ASTN2: variants seen among roughly 807,000 people sequenced by gnomAD.
ASTN2 encodes the protein astrotactin 2.
A neutral mutation model predicts 139.8 loss-of-function variants in ASTN2; 54 were observed. The observed-to-expected ratio is 0.39, with a 90% CI of 0.31 to 0.48. The LOEUF (loss-of-function observed/expected upper bound fraction) is 0.48. Among genes scored for constraint, ASTN2 ranks in the 20% least tolerant of loss-of-function variants. The pLI is 0.95. For synonymous variants in ASTN2, 756 were observed against 719.5 expected (o/e 1.05, Z -0.81); for missense variants, 1,565 against 1,725.1 (o/e 0.91, Z 1.64).
chr9:117,355,644 G>C (rs1829519993), intron 1 of ASTN2, among the ~76,000 whole-genome samples: 1 of 152,162 alleles, frequency 6.6e-6, no homozygotes, highest in South Asian at 2.1e-4. Context: ...ACCAGAGCCG[G>C]ATGGGGAGAG....
chr9:116,908,137 T>C (rs1260951754), intron 10 of ASTN2, among the ~76,000 whole-genome samples: 1 of 152,166 alleles, frequency 6.6e-6, no homozygotes, highest in African/African-American at 2.4e-5. Context: ...GGATGGGTTG[T>C]GGTCCAAATT....
chr9:117,294,240 G>A, intron 1 of ASTN2, among the ~76,000 whole-genome samples: 1 of 152,210 alleles, frequency 6.6e-6, no homozygotes, highest in East Asian at 1.9e-4. Context: ...GACTAAATTA[G>A]CCCATGAACC....
At chr9:117,251,408 T>C (rs577195096) in intron 2 of ASTN2, among the ~76,000 whole-genome samples, 93 of 152,194 alleles carry the variant, frequency 6.1e-4, no homozygotes, top group Non-Finnish European at 1.0e-3. Flanking sequence ...AATATGGTAA[T>C]TTAATATAAT....
chr9:116,999,406 G>T (rs1222233686), intron 7 of ASTN2, among the ~76,000 whole-genome samples: 1 of 152,016 alleles, frequency 6.6e-6, no homozygotes, highest in Non-Finnish European at 1.5e-5. Context: ...TCATTGCTTT[G>T]TTGAAGAGAA....
chr9:116,851,575 G>C (rs1302353375), intron 11 of ASTN2, among the ~76,000 whole-genome samples: 1 of 151,606 alleles, frequency 6.6e-6, no homozygotes, highest in Non-Finnish European at 1.5e-5. Flanking sequence ...GTTAGTAGTA[G>C]CTATTTGGAG....
chr9:116,767,953 C>G (rs969780932), intron 13 of ASTN2, among the ~76,000 whole-genome samples: 5 of 152,158 alleles, frequency 3.3e-5, no homozygotes, highest in Non-Finnish European at 5.9e-5. Flanking sequence ...ATCTAGTTAT[C>G]TTTTCAAGAC....
chr9:116,528,634 T>C (rs1851196343), intron 19 of ASTN2, among the ~76,000 whole-genome samples: 2 of 152,180 alleles, frequency 1.3e-5, no homozygotes, highest in African/African-American at 2.4e-5. Flanking sequence ...GGAAAATATA[T>C]TCAGGGCATT....
intron 3 of ASTN2, among the ~76,000 whole-genome samples, chr9:117,142,306 A>G (rs981636311): frequency 1.3e-5 from 2 of 152,246 alleles, no homozygotes; most frequent in Admixed American, 6.5e-5. Context: ...TGCAAACTGA[A>G]GGAGGAAAGG....
intron 10 of ASTN2, among the ~76,000 whole-genome samples, chr9:116,883,169 T>C (rs542317458): frequency 2.0e-4 from 30 of 152,330 alleles, no homozygotes; most frequent in African/African-American, 6.5e-4. Context: ...CATCAACATA[T>C]GGTTCATTCC....
intron 13 of ASTN2, among the ~76,000 whole-genome samples, chr9:116,745,935 C>T (rs1829220606): frequency 6.6e-6 from 1 of 152,118 alleles, no homozygotes; most frequent in Non-Finnish European, 1.5e-5. Context: ...GGATTCTGGG[C>T]TAACATCTAG....
At chr9:117,305,255 A>T (rs1834970901) in intron 1 of ASTN2, among the ~76,000 whole-genome samples, 1 of 151,988 alleles carries the variant, frequency 6.6e-6, no homozygotes, top group Non-Finnish European at 1.5e-5. Flanking sequence ...CCCTCCTCTG[A>T]CTCCTTCCCT....
At chr9:117,046,357 C>T (rs1838742674) in intron 5 of ASTN2, among the ~76,000 whole-genome samples, 1 of 152,036 alleles carries the variant, frequency 6.6e-6, no homozygotes, top group South Asian at 2.1e-4. Flanking sequence ...TTGATACCTG[C>T]CTAAGTTCTG....
Position 116,955,000 on chromosome 9 carries a change from G to A in ASTN2, c.1889+20208C>T, listed in dbSNP as rs371651093. On this transcript the variant is annotated intron_variant, in intron 10 of 22. Coordinates refer to ENST00000313400, the MANE Select transcript of ASTN2 (RefSeq NM_001365068.1). ...GAACTGAGAAAGAATTGACATCTCT[G>A]AAATGTAGGCAAGACCTCGTGCCTT... Among the ~76,000 whole-genome samples, 112 of 152,358 alleles carry A rather than the reference G, an allele frequency of 7.4e-4. 1 individual carries two copies. The South Asian group carries it at 0.022, about 30-fold the overall frequency.
At chr9:117,214,003 G>A (rs1588089183) in intron 3 of ASTN2, among the ~76,000 whole-genome samples, 1 of 152,144 alleles carries the variant, frequency 6.6e-6, no homozygotes, top group African/African-American at 2.4e-5. Context: ...GTTGGTATAA[G>A]AAGAAACCCT....
intron 5 of ASTN2, among the ~76,000 whole-genome samples, chr9:117,085,059 A>G (rs1174641827): frequency 1.3e-5 from 2 of 152,298 alleles, no homozygotes; most frequent in African/African-American, 2.4e-5. Flanking sequence ...CCTCCTATGC[A>G]GGCCCTAAAT....
intron 19 of ASTN2, among the ~76,000 whole-genome samples, chr9:116,499,102 A>T (rs1849768683): frequency 6.6e-6 from 1 of 152,142 alleles, no homozygotes; most frequent in Non-Finnish European, 1.5e-5. Flanking sequence ...GCCCACTCTC[A>T]GTTATGCCCC....
chr9:117,301,335 A>G (rs1834870176), intron 1 of ASTN2, among the ~76,000 whole-genome samples: 1 of 152,142 alleles, frequency 6.6e-6, no homozygotes, highest in African/African-American at 2.4e-5. Context: ...AACATTGCAA[A>G]CTGATGCAGA....
At chr9:116,519,346 CA>C (rs56721222) in intron 19 of ASTN2, among the ~76,000 whole-genome samples, 1 of 151,148 alleles carries the variant, frequency 6.6e-6, no homozygotes, top group South Asian at 2.1e-4. Flanking sequence ...AAATCAACTC[CA>C]AAAAAAACCC....
At chr9:117,301,208 G>A (rs1265242166) in intron 1 of ASTN2, among the ~76,000 whole-genome samples, 1 of 151,880 alleles carries the variant, frequency 6.6e-6, no homozygotes, top group African/African-American at 2.4e-5. Context: ...TTGTCATTTC[G>A]CTTCATGATA....
Sources: gnomAD v4.1 joint callset for allele counts (sites outside exome capture counted in the v4.1 genomes callset) on GRCh38, gnomAD v4.1.1 for gene constraint, MANE v1.5 for transcripts, NCBI Gene and HGNC (gene_info 2026-07-23, HGNC 2026-07-21) for gene names.